The following SCARB1 variants were observed in gnomAD, a reference collection of about 807,000 sequenced individuals.
SCARB1 encodes scavenger receptor class B member 1.
A neutral mutation model predicts 57.2 loss-of-function variants in SCARB1; 30 were observed. The observed-to-expected ratio is 0.52, with a 90% CI of 0.39 to 0.71. SCARB1 has a LOEUF of 0.71. Among genes scored for constraint, SCARB1 ranks in the 30% least tolerant of loss-of-function variants. The probability of loss-of-function intolerance (pLI) is 0.00; values close to 1 mark genes in which losing one functional copy is unlikely to be tolerated. For synonymous variants in SCARB1, 249 were observed against 268.3 expected, an observed-to-expected ratio of 0.93 and a Z score of 0.70; for missense variants, 543 against 671.2, an observed-to-expected ratio of 0.81 and a Z score of 2.11.
In SCARB1 at chr12:124,810,149, G is replaced by T; in HGVS notation, c.842+25C>A. ...GGCCATGAGCTACCCAGGAAACCCA[G>T]GAGGCCCCGAGTCCCAGTGATTACC... On this transcript the variant is annotated intron_variant, in intron 6 of 12. Transcript: ENST00000261693. This position sits in a 1 kb window ranked among gnomAD's most constrained non-coding sequence, Gnocchi z 4.0. The T allele has an allele frequency of 6.6e-7, 1 of 1,518,040 alleles. No homozygotes were observed. The highest frequency in any genetic ancestry group is 9.1e-7 in the Non-Finnish European group (1 of 1,093,300). The allele number at this position is 1,518,040 out of a possible 1,614,324, so 94.0% of individuals were successfully genotyped here. A position where few individuals can be genotyped will look rare whatever the true frequency, so the allele number is the denominator to read the frequency against.
chr12:124,848,963 A>G (rs139308737), intron 1 of SCARB1, among the ~76,000 whole-genome samples: 55 of 152,324 alleles, frequency 3.6e-4, no homozygotes, highest in African/African-American at 1.3e-3. Context: ...CCCTTACTTG[A>G]CACTTGCCGA....
chr12:124,795,626 G>A (rs1445057251), intron 8 of SCARB1, among the ~76,000 whole-genome samples: 7 of 152,168 alleles, frequency 4.6e-5, no homozygotes, highest in Admixed American at 4.6e-4. Context: ...TTCCCAAAGT[G>A]CAGAATGGCA....
At chr12:124,785,704 A>C (rs1949487748) in intron 11 of SCARB1, 1 of 208,478 alleles carries the variant, frequency 4.8e-6, no homozygotes, top group African/African-American at 2.3e-5. Context: ...ACACTGCAAA[A>C]ATATTGATGC....
At chr12:124,845,697 T>C (rs1198851690) in intron 1 of SCARB1, among the ~76,000 whole-genome samples, 2 of 124,112 alleles carry the variant, frequency 1.6e-5, no homozygotes, top group East Asian at 4.8e-4. Context: ...ACAGCAAGAC[T>C]CTGCCTCAAA....
chr12:124,825,427 T>C (rs1204782259), intron 1 of SCARB1, among the ~76,000 whole-genome samples: 3 of 151,970 alleles, frequency 2.0e-5, no homozygotes, highest in Non-Finnish European at 4.4e-5. Flanking sequence ...TCCCAACACT[T>C]TGGGAGGCCG....
chr12:124,831,951 A>G (rs1036563775), intron 1 of SCARB1, among the ~76,000 whole-genome samples: 2 of 152,196 alleles, frequency 1.3e-5, no homozygotes, highest in African/African-American at 4.8e-5. Flanking sequence ...AAGCCAGGAA[A>G]GTCTGAGAAC....
In SCARB1 at chr12:124,787,582, A is replaced by G. The variant is rs1594191402; in HGVS notation, c.1203-125T>C. 7.6e-6 allele frequency: 6 copies of G among 788,864 alleles called. No homozygotes were observed. In the East Asian group the frequency reaches 1.6e-4, roughly 21 times the overall value. 48.9% of individuals were successfully genotyped at this position (788,864 alleles called of 1,614,324 possible). ...TTGCACACACTAAACCCTCACCACC[A>G]AATATAAACAATGAGCTGAAACACT... On this transcript the variant is annotated intron_variant, in intron 9 of 12. Transcript: ENST00000261693.
chr12:124,808,597 G>C (rs1424367573), intron 6 of SCARB1, among the ~76,000 whole-genome samples: 1 of 152,156 alleles, frequency 6.6e-6, no homozygotes, highest in African/African-American at 2.4e-5. Context: ...CAGTTCAGCT[G>C]TCACTTCCTC....
intron 7 of SCARB1, among the ~76,000 whole-genome samples, chr12:124,803,205 G>A (rs1300816456): frequency 1.3e-5 from 2 of 152,212 alleles, no homozygotes; most frequent in East Asian, 1.9e-4. Context: ...GGAGGACCGC[G>A]AGTGGCATCC....
intron 6 of SCARB1, among the ~76,000 whole-genome samples, chr12:124,809,561 C>T (rs767934856): frequency 6.6e-5 from 10 of 152,340 alleles, no homozygotes; most frequent in South Asian, 2.1e-4. Context: ...TCCTGGGGAA[C>T]GGAGACTTGG....
At chr12:124,835,883 G>C (rs879935229) in intron 1 of SCARB1, among the ~76,000 whole-genome samples, 4 of 152,172 alleles carry the variant, frequency 2.6e-5, no homozygotes, top group Admixed American at 2.6e-4. Context: ...AGCAGGAGCC[G>C]CTTCACAGTT....
intron 1 of SCARB1, among the ~76,000 whole-genome samples, chr12:124,852,364 C>A (rs1315648367): frequency 6.6e-6 from 1 of 152,218 alleles, no homozygotes; most frequent in Non-Finnish European, 1.5e-5. Context: ...TCCCAGGGAC[C>A]CAGGCTTTGG....
In SCARB1 at chr12:124,782,788, A is replaced by C. The variant is rs1594173358; in HGVS notation, c.1425T>G (p.Ser475Arg). Residue 475 changes from serine to arginine, a missense_variant, in exon 12 of 13, where the codon AGT (serine) becomes AGG (arginine). Physicochemically the swap from Ser to Arg is moderately radical, Grantham distance 110 (BLOSUM62 -1). Coordinates refer to ENST00000261693, the MANE Select transcript of SCARB1 (RefSeq NM_005505.5). The part of the protein sequence containing the change: ...RSQEKCYLFW[S>R]SSKKGSKDKE... ...TATCCTTTGAGCCCTTTTTACTACT[A>C]CTCCAAAATAAATAGCATTTCTCCT... 6.2e-7 allele frequency: 1 copy of C among 1,613,624 alleles called. No individual in the cohort carries two copies. Among genetic ancestry groups the C allele is most frequent in the Non-Finnish European group, 8.5e-7 (1 of 1,179,642 alleles).
rs1371349852 is a variant in SCARB1, at chr12:124,789,567, G to C, written c.1203-2110C>G. Among the ~76,000 whole-genome samples, 5 of 152,138 alleles carry C rather than the reference G, an allele frequency of 3.3e-5. No individual in the cohort carries two copies. The highest frequency in any genetic ancestry group is 1.2e-4 in the African/African-American group (5 of 41,430). ...TTACATCAAGGTTCTGAGATGGGAA[G>C]AGTATCCTGGAATACCTAGGTAGGC... is the stretch of plus-strand genomic sequence containing the variant. On this transcript the variant is annotated intron_variant, in intron 9 of 12. Transcript: ENST00000261693. This position sits in a 1 kb window ranked among gnomAD's most constrained non-coding sequence, Gnocchi z 4.4.
chr12:124,778,936 G>A (rs998466596), intron 12 of SCARB1, among the ~76,000 whole-genome samples: 6 of 152,132 alleles, frequency 3.9e-5, no homozygotes, highest in Non-Finnish European at 8.8e-5. Flanking sequence ...GGAGGAGAAC[G>A]TATGTTTATG....
At chr12:124,792,636 CGCTGGAACCCGGGAG>C (rs1334732323) in intron 9 of SCARB1, among the ~76,000 whole-genome samples, 2 of 147,936 alleles carry the variant, frequency 1.4e-5, no homozygotes, top group Non-Finnish European at 3.0e-5. Context: ...GCAGGAGAAT[CGCTGGAACCCGGGAG>C]GCAGAGGTTG....
At chr12:124,844,558 C>T (rs1482935927) in intron 1 of SCARB1, among the ~76,000 whole-genome samples, 2 of 151,926 alleles carry the variant, frequency 1.3e-5, no homozygotes, top group Non-Finnish European at 2.9e-5. Flanking sequence ...TCGGTGATTA[C>T]GTTTAAATGA....
intron 1 of SCARB1, among the ~76,000 whole-genome samples, chr12:124,844,565 A>C (rs1952060264): frequency 6.6e-6 from 1 of 151,984 alleles, no homozygotes; most frequent in Admixed American, 6.6e-5. Context: ...TTACGTTTAA[A>C]TGAGGTCAGT....
Position 124,795,348 on chromosome 12 carries a change from G to C in SCARB1, c.1129-80C>G, listed in dbSNP as rs1830015327. On this transcript the variant is annotated intron_variant, in intron 8 of 12. Transcript: ENST00000261693. The stretch of plus-strand genomic sequence containing the variant: ...GTCAACCCTCCTCTCCCTGGTCCCA[G>C]TCAAGAGGGTGGGCGTCCCAGCTAA... 3.4e-6 allele frequency: 4 copies of C among 1,190,726 alleles called. No homozygotes were observed. The East Asian group carries it at 9.4e-5, about 28-fold the overall frequency. 73.8% of individuals were successfully genotyped at this position (1,190,726 alleles called of 1,614,324 possible).
Sources: allele counts gnomAD v4.1 joint callset (sites outside exome capture counted in the v4.1 genomes callset), GRCh38; gene constraint gnomAD v4.1.1; non-coding constraint Gnocchi (gnomAD v3.1); transcripts MANE v1.5; gene names NCBI Gene and HGNC (gene_info 2026-07-23, HGNC 2026-07-21).